ZBTB7C: variants seen among roughly 807,000 people sequenced by gnomAD.
ZBTB7C encodes the protein zinc finger and BTB domain-containing protein 7C.
Under a neutral mutation model 25.7 loss-of-function variants are expected in ZBTB7C, and 8 were observed. That is an observed-to-expected ratio of 0.31 (90% CI 0.18 to 0.56). The LOEUF is 0.56. ZBTB7C is among the 20% of genes least tolerant of loss of function. The probability of loss-of-function intolerance (pLI) is 0.91; values close to 1 mark genes in which losing one functional copy is unlikely to be tolerated. For missense variants in ZBTB7C, 824 were observed against 855.2 expected (o/e 0.96, Z 0.46); for synonymous variants, 394 against 369.0 (o/e 1.07, Z -0.78).
chr18:48,043,927 C>T (rs1166166760), intron 3 of ZBTB7C, among the ~76,000 whole-genome samples: 3 of 152,168 alleles, frequency 2.0e-5, no homozygotes, highest in East Asian at 1.9e-4. Flanking sequence ...AGGAGGGGGG[C>T]GCTTTACCCA....
chr18:48,230,023 G>T (rs1296264316), intron 2 of ZBTB7C, among the ~76,000 whole-genome samples: 1 of 152,244 alleles, frequency 6.6e-6, no homozygotes, highest in African/African-American at 2.4e-5. Flanking sequence ...CCTCGAAGCA[G>T]AGCCTTTCTG....
chr18:48,121,886 C>T (rs2039641065), intron 3 of ZBTB7C, among the ~76,000 whole-genome samples: 1 of 152,292 alleles, frequency 6.6e-6, no homozygotes, highest in South Asian at 2.1e-4. Flanking sequence ...CTCAGGATGG[C>T]TTTAGGGGAG....
At chr18:48,240,153 A>AT (rs1366786495) in intron 2 of ZBTB7C, among the ~76,000 whole-genome samples, 1 of 151,982 alleles carries the variant, frequency 6.6e-6, no homozygotes, top group Admixed American at 6.6e-5. Flanking sequence ...AATTAACCCA[A>AT]TCCAACAAAG....
chr18:48,310,806 CAGCAAT>C (rs939423450), intron 2 of ZBTB7C, among the ~76,000 whole-genome samples: 1 of 152,206 alleles, frequency 6.6e-6, no homozygotes, highest in African/African-American at 2.4e-5. Flanking sequence ...CTCAGGCTGG[CAGCAAT>C]AGCATTCTCT....
At chr18:48,246,673 A>C (rs1227613762) in intron 2 of ZBTB7C, among the ~76,000 whole-genome samples, 1 of 152,088 alleles carries the variant, frequency 6.6e-6, no homozygotes, top group African/African-American at 2.4e-5. Flanking sequence ...TATCCTGTTA[A>C]ACTAAATATG....
intron 3 of ZBTB7C, among the ~76,000 whole-genome samples, chr18:48,076,644 T>G (rs1481285360): frequency 6.6e-6 from 1 of 152,160 alleles, no homozygotes; most frequent in African/African-American, 2.4e-5. Flanking sequence ...AAGAACCCCA[T>G]GGGCAGGGAG....
At chr18:48,244,697 A>T (rs2043626999) in intron 2 of ZBTB7C, among the ~76,000 whole-genome samples, 1 of 152,180 alleles carries the variant, frequency 6.6e-6, no homozygotes, top group African/African-American at 2.4e-5. Flanking sequence ...AATACTCAAC[A>T]TCACTAATTA....
At chr18:48,182,956 A>G (rs1268352763) in intron 3 of ZBTB7C, among the ~76,000 whole-genome samples, 1 of 152,194 alleles carries the variant, frequency 6.6e-6, no homozygotes, top group Non-Finnish European at 1.5e-5. Context: ...TTTAAATTTT[A>G]TGTATAATTT....
intron 2 of ZBTB7C, among the ~76,000 whole-genome samples, chr18:48,215,479 G>A (rs775138774): frequency 6.6e-6 from 1 of 152,200 alleles, no homozygotes; most frequent in Admixed American, 6.5e-5. Flanking sequence ...GTCCAGAAAT[G>A]TGGGACAACT....
At chr18:48,033,909 T>G (rs757525664) in intron 4 of ZBTB7C, among the ~76,000 whole-genome samples, 3 of 152,084 alleles carry the variant, frequency 2.0e-5, no homozygotes, top group Non-Finnish European at 2.9e-5. Context: ...AGTTTCCTGA[T>G]CTCTAAAATG....
intron 3 of ZBTB7C, among the ~76,000 whole-genome samples, chr18:48,050,976 G>T (rs1178014763): frequency 6.6e-6 from 1 of 152,092 alleles, no homozygotes; most frequent in South Asian, 2.1e-4. Context: ...AGCTCCTGCT[G>T]GTGAATTGAT....
intron 3 of ZBTB7C, among the ~76,000 whole-genome samples, chr18:48,184,881 G>A (rs1226515100): frequency 1.3e-5 from 2 of 152,026 alleles, no homozygotes; most frequent in Non-Finnish European, 2.9e-5. Flanking sequence ...GACAAAGGGA[G>A]TATCTCCAAT....
At position 48,221,294 on chromosome 18, in the gene ZBTB7C, A is replaced by G. The variant is rs186266414; in HGVS notation, c.-78-35299T>C. Among the ~76,000 whole-genome samples the G allele has an allele frequency of 2.8e-5, 4 of 144,784 alleles. No individual in the cohort carries two copies. The East Asian group carries it at 8.5e-4, about 31-fold the overall frequency. 95.0% of individuals were successfully genotyped at this position (144,784 alleles called of 152,430 possible). On this transcript the variant is annotated intron_variant, in intron 2 of 4. Transcript: ENST00000590800. ...TCTATACTGTCCTTGTCTCCTCTAT[A>G]CTGTCCCAGTCTCCCTCTATACTGT...
intron 3 of ZBTB7C, among the ~76,000 whole-genome samples, chr18:48,175,896 T>C (rs112132979): frequency 7.6e-4 from 116 of 152,242 alleles, no homozygotes; most frequent in African/African-American, 2.6e-3. Flanking sequence ...AAAGGGCCCA[T>C]TGGCAAGAAT....
At chr18:48,165,170 G>A (rs1028920814) in intron 3 of ZBTB7C, 14 of 1,275,650 alleles carry the variant, frequency 1.1e-5, no homozygotes, top group Non-Finnish European at 1.3e-5. Context: ...TGCAGTCCAG[G>A]AAGGGGAGGG....
At chr18:48,196,239 G>T (rs1165421947) in intron 2 of ZBTB7C, among the ~76,000 whole-genome samples, 1 of 152,188 alleles carries the variant, frequency 6.6e-6, no homozygotes, top group Non-Finnish European at 1.5e-5. Context: ...CTCCCCTGGG[G>T]CTGCTTCTTC....
At chr18:48,392,124 T>A (rs2145265153) in intron 1 of ZBTB7C, among the ~76,000 whole-genome samples, 1 of 152,298 alleles carries the variant, frequency 6.6e-6, no homozygotes, top group Admixed American at 6.5e-5. Context: ...GGCCTCTAAG[T>A]AAGAATCCCA....
rs547092091 is a variant in ZBTB7C at position 48,068,208 on chromosome 18, G to A, written c.-16-27085C>T. ...GGCTGAAGTGCAGTGGTGCAACCTCGGCTCACTGCAGGCTCCGCCTCCCGG... is the reference window on the plus strand; with the variant it reads ...GGCTGAAGTGCAGTGGTGCAACCTCAGCTCACTGCAGGCTCCGCCTCCCGG... On this transcript the variant is annotated intron_variant, in intron 3 of 4. Transcript: ENST00000590800. 2.9e-3 allele frequency among the ~76,000 whole-genome samples: 425 copies of A among 144,980 alleles called. 4 individuals are homozygous for A. Among genetic ancestry groups the A allele is most frequent in the African/African-American group, 1.0e-2 (390 of 39,040 alleles).
intron 2 of ZBTB7C, among the ~76,000 whole-genome samples, chr18:48,289,997 C>T (rs1357950455): frequency 6.6e-6 from 1 of 152,226 alleles, no homozygotes; most frequent in Middle Eastern, 3.4e-3. Flanking sequence ...GTGCTTTGGT[C>T]CCCAGTCTTG....
Sources: gnomAD v4.1 joint callset for allele counts (sites outside exome capture counted in the v4.1 genomes callset) on GRCh38, gnomAD v4.1.1 for gene constraint, MANE v1.5 for transcripts, NCBI Gene and HGNC (gene_info 2026-07-23, HGNC 2026-07-21) for gene names.